The following NKAIN2 variants were observed in gnomAD, a reference collection of about 807,000 sequenced individuals.
The protein encoded by NKAIN2 is sodium/potassium-transporting ATPase subunit beta-1-interacting protein 2.
A neutral mutation model predicts 32.6 loss-of-function variants in NKAIN2; 14 were observed. That is an observed-to-expected ratio of 0.43 (90% confidence interval 0.28 to 0.67). The LOEUF (loss-of-function observed/expected upper bound fraction) is 0.67. NKAIN2 is among the 30% of genes least tolerant of loss of function. The pLI, the probability that NKAIN2 is intolerant of heterozygous loss-of-function variation, is 0.17. For missense variants in NKAIN2, 198 were observed against 258.3 expected (o/e 0.77, Z 1.60); for synonymous variants, 80 against 87.2 (o/e 0.92, Z 0.46).
chr6:123,893,844 T>C (rs868166940), intron 1 of NKAIN2, among the ~76,000 whole-genome samples: 49 of 152,334 alleles, frequency 3.2e-4, no homozygotes, highest in African/African-American at 1.0e-3. Context: ...GAGGCCTATT[T>C]GGCCAGGGCC....
rs541451249 is a variant in NKAIN2 at position 124,091,383 on chromosome 6, A to G, written c.55-191622A>G. On this transcript the variant is annotated intron_variant, in intron 1 of 6. Coordinates refer to ENST00000368417, the MANE Select transcript of NKAIN2 (RefSeq NM_001040214.3). ...AGTCAATACACATATTTATATGTTT[A>G]TATCAAAAATATGAATGTTTCAGTA... Among the ~76,000 whole-genome samples the G allele has an allele frequency of 2.6e-4, 40 of 152,128 alleles. 1 individual carries two copies. The highest frequency in any genetic ancestry group is 2.1e-3 in the East Asian group (11 of 5,178).
intron 3 of NKAIN2, among the ~76,000 whole-genome samples, chr6:124,601,237 A>T (rs1031193344): frequency 6.6e-6 from 1 of 152,050 alleles, no homozygotes; most frequent in Non-Finnish European, 1.5e-5. Flanking sequence ...GCTTCCATTA[A>T]AGCCAATGGG....
intron 3 of NKAIN2, among the ~76,000 whole-genome samples, chr6:124,434,408 G>T (rs1473449351): frequency 6.6e-6 from 1 of 151,992 alleles, no homozygotes; most frequent in Non-Finnish European, 1.5e-5. Flanking sequence ...TTAGTATTTA[G>T]TATTTATGTT....
chr6:124,590,052 A>G (rs1227022209), intron 3 of NKAIN2, among the ~76,000 whole-genome samples: 2 of 152,172 alleles, frequency 1.3e-5, no homozygotes, highest in Non-Finnish European at 2.9e-5. Flanking sequence ...CATCACTTCC[A>G]GTGTCAACTC....
At chr6:124,535,092 C>A (rs181943317) in intron 3 of NKAIN2, among the ~76,000 whole-genome samples, 1 of 152,140 alleles carries the variant, frequency 6.6e-6, no homozygotes, top group African/African-American at 2.4e-5. Flanking sequence ...AAAGTCTGTG[C>A]GCATTCAATA....
chr6:124,208,250 AG>A (rs1790993605), intron 1 of NKAIN2, among the ~76,000 whole-genome samples: 5 of 151,954 alleles, frequency 3.3e-5, no homozygotes, highest in Admixed American at 3.3e-4. Context: ...AATACTTCAA[AG>A]AGTAGTTGTG....
At chr6:124,631,483 C>G (rs900943448) in intron 3 of NKAIN2, among the ~76,000 whole-genome samples, 2 of 152,068 alleles carry the variant, frequency 1.3e-5, no homozygotes, top group African/African-American at 4.8e-5. Flanking sequence ...GTCTTATAAT[C>G]ACCAGATCAT....
intron 1 of NKAIN2, among the ~76,000 whole-genome samples, chr6:123,886,646 A>T (rs1773729206): frequency 6.6e-6 from 1 of 152,148 alleles, no homozygotes; most frequent in African/African-American, 2.4e-5. Flanking sequence ...TCTATGTAGA[A>T]CATGTTAACG....
intron 3 of NKAIN2, among the ~76,000 whole-genome samples, chr6:124,418,253 A>G (rs1017586222): frequency 4.5e-4 from 69 of 152,136 alleles, no homozygotes; most frequent in Non-Finnish European, 1.6e-4. Context: ...AACTTGTAAC[A>G]AACCAGTTTA....
intron 1 of NKAIN2, among the ~76,000 whole-genome samples, chr6:123,808,852 A>C (rs889167661): frequency 5.9e-5 from 9 of 152,358 alleles, no homozygotes; most frequent in African/African-American, 2.2e-4. Context: ...AGTGGAAGTC[A>C]GGGATTCCTT....
At chr6:124,317,055 C>T (rs995226568) in intron 2 of NKAIN2, among the ~76,000 whole-genome samples, 1 of 152,052 alleles carries the variant, frequency 6.6e-6, no homozygotes, top group Non-Finnish European at 1.5e-5. Flanking sequence ...GTCCCAGCTG[C>T]TCTGGAGGAT....
intron 1 of NKAIN2, among the ~76,000 whole-genome samples, chr6:124,249,636 C>T (rs1207318981): frequency 1.3e-5 from 2 of 151,938 alleles, no homozygotes; most frequent in African/African-American, 4.8e-5. Context: ...CACACACACA[C>T]GCACAACAAG....
At chr6:124,698,234 A>G (rs554653668) in intron 4 of NKAIN2, among the ~76,000 whole-genome samples, 1 of 152,310 alleles carries the variant, frequency 6.6e-6, no homozygotes, top group Non-Finnish European at 1.5e-5. Flanking sequence ...GTGCTATGAA[A>G]AAGCAATTAG....
intron 3 of NKAIN2, among the ~76,000 whole-genome samples, chr6:124,556,394 G>C (rs1216167058): frequency 2.0e-5 from 3 of 152,174 alleles, no homozygotes; most frequent in Non-Finnish European, 4.4e-5. Context: ...ACTTTTAGAG[G>C]TGATTAGGTC....
intron 3 of NKAIN2, among the ~76,000 whole-genome samples, chr6:124,476,342 G>T (rs868787244): frequency 5.5e-5 from 8 of 145,230 alleles, no homozygotes; most frequent in Middle Eastern, 4.6e-3. Context: ...CTCTTAAGGA[G>T]GTTTTAAATC....
chr6:124,328,302 A>G (rs1054340028), intron 2 of NKAIN2, among the ~76,000 whole-genome samples: 29 of 152,208 alleles, frequency 1.9e-4, no homozygotes, highest in African/African-American at 7.0e-4. Flanking sequence ...TATTTTACAA[A>G]TAGAGTATTT....
In NKAIN2 at chr6:124,139,079, AT is replaced by A. The variant is rs900247440; in HGVS notation, c.55-143906del. Among the ~76,000 whole-genome samples, 201 of 99,492 alleles carry A rather than the reference AT, an allele frequency of 2.0e-3. 1 individual carries two copies. The highest frequency in any genetic ancestry group is 3.9e-3 in the African/African-American group (93 of 23,580). 65.3% of individuals were successfully genotyped at this position (99,492 alleles called of 152,430 possible). ...TCCCCAAAAACTTTTTTAAATAAAA[AT>A]TTTTTTTTTTTTTTTTTTTGAGACG... On this transcript the variant is annotated intron_variant, in intron 1 of 6. Transcript: ENST00000368417.
intron 4 of NKAIN2, among the ~76,000 whole-genome samples, chr6:124,767,456 T>C (rs1343540271): frequency 1.3e-5 from 2 of 152,120 alleles, no homozygotes; most frequent in Non-Finnish European, 2.9e-5. Context: ...TCCTAGGCCA[T>C]TACCTTTACT....
At chr6:124,698,105 C>A (rs1353093297) in intron 4 of NKAIN2, among the ~76,000 whole-genome samples, 1 of 152,130 alleles carries the variant, frequency 6.6e-6, no homozygotes. Flanking sequence ...CAGGTGATTT[C>A]TATTTTTCTT....
Sources: gnomAD v4.1 joint callset for allele counts (sites outside exome capture counted in the v4.1 genomes callset) on GRCh38, gnomAD v4.1.1 for gene constraint, MANE v1.5 for transcripts, NCBI Gene and HGNC (gene_info 2026-07-23, HGNC 2026-07-21) for gene names.